Variants in WDR31 observed in about 807,000 individuals in gnomAD.
WDR31 encodes the protein WD repeat domain 31, also known as WD repeat-containing protein 31.
Under a neutral mutation model 47.3 loss-of-function variants are expected in WDR31, and 30 were observed. The ratio of observed to expected loss-of-function variants is 0.63; its 90% CI spans 0.47 to 0.86. WDR31 has a LOEUF of 0.86. Ranked by LOEUF, WDR31 falls within the 40% of genes least tolerant of loss-of-function variation. The probability of loss-of-function intolerance (pLI) is 0.00; values close to 1 mark genes in which losing one functional copy is unlikely to be tolerated. For missense variants in WDR31, 406 were observed against 442.9 expected, an observed-to-expected ratio of 0.92 and a Z score of 0.75; for synonymous variants, 137 against 159.4, an observed-to-expected ratio of 0.86 and a Z score of 1.06.
Position 113,338,546 on chromosome 9 carries a change from G to A in WDR31, c.-182+1671C>T, listed in dbSNP as rs555687761. ...TTGACCTTAGCCTAGGAGAATGAAC[G>A]CAAGGCAAATAAATACCTGTTGAAT... On this transcript the variant is annotated intron_variant, in intron 1 of 10. Coordinates refer to ENST00000374193, the MANE Select transcript of WDR31 (RefSeq NM_001012361.4). Among the ~76,000 whole-genome samples, 8 of 152,030 alleles carry A rather than the reference G, an allele frequency of 5.3e-5. No individual in the cohort carries two copies. The East Asian group carries it at 1.5e-3, about 29-fold the overall frequency.
chr9:113,331,156 G>C, intron 3 of WDR31, 40 bp from the exon 4 acceptor site: 1 of 674,174 alleles, frequency 1.5e-6, no homozygotes, highest in Non-Finnish European at 2.2e-6. Context: ...AATGGCATGG[G>C]AGTGGATGGG....
At chr9:113,338,290 C>CA (rs1251320464) in intron 1 of WDR31, among the ~76,000 whole-genome samples, 3 of 152,124 alleles carry the variant, frequency 2.0e-5, no homozygotes, top group Non-Finnish European at 4.4e-5. Flanking sequence ...GGCCTCTGAT[C>CA]AGAGTGATTG....
chr9:113,339,032 C>T (rs180670878), intron 1 of WDR31, among the ~76,000 whole-genome samples: 172 of 152,310 alleles, frequency 1.1e-3, no homozygotes, highest in African/African-American at 3.9e-3. Flanking sequence ...CCCAGAAAGG[C>T]TGGAGAGGAC....
chr9:113,327,879 G>A (rs549820490), intron 5 of WDR31, among the ~76,000 whole-genome samples: 16 of 152,284 alleles, frequency 1.1e-4, no homozygotes, highest in East Asian at 3.9e-4. Flanking sequence ...TTGAACCTGC[G>A]AGATGGAGGT....
chr9:113,327,101 G>C (rs2118819651), intron 5 of WDR31, among the ~76,000 whole-genome samples: 1 of 152,276 alleles, frequency 6.6e-6, no homozygotes, highest in South Asian at 2.1e-4. Flanking sequence ...TTGCCAAAGT[G>C]CCAGCATTAC....
chr9:113,314,106 G>A lies in WDR31; in HGVS notation c.*2643C>T, dbSNP rs1377768757. ...ACCCGGGAGGCGGAGCTTGCAGCGA[G>A]CCGAGATTGCACCACTGCACTCCAG... On this transcript the variant is annotated 3_prime_UTR_variant, in exon 11 of 11. Coordinates refer to ENST00000374193, the MANE Select transcript of WDR31 (RefSeq NM_001012361.4). 7.8e-6 allele frequency: 1 copy of A among 128,916 alleles called. No homozygotes were observed. Among genetic ancestry groups the A allele is most frequent in the African/African-American group, 2.9e-5 (1 of 34,076 alleles). 8.0% of individuals were successfully genotyped at this position (128,916 alleles called of 1,614,324 possible). A position where few individuals can be genotyped will look rare whatever the true frequency, so the allele number is the denominator to read the frequency against.
Position 113,323,120 on chromosome 9 carries a change from A to T in WDR31, c.360T>A (p.Ser120Arg), listed in dbSNP as rs753625226. 1 of 1,614,128 alleles carries T rather than the reference A, an allele frequency of 6.2e-7. No individual in the cohort carries two copies. Among genetic ancestry groups the T allele is most frequent in the Non-Finnish European group, 8.5e-7 (1 of 1,180,024 alleles). Residue 120 changes from serine (S) to arginine (R), a missense_variant, in exon 6 of 11, where the codon AGT becomes AGA. Physicochemically the swap from Ser to Arg is moderately radical, Grantham distance 110. Transcript: ENST00000374193. ...ACIPKSSQFF[S>R]ASRDRMVMMW... The stretch of plus-strand genomic sequence containing the variant: ...TCATGACCATCCTGTCACGAGAGGC[A>T]CTGAAGAACTGGCTGGATTTGGGAA...
chr9:113,331,938 T>G lies in WDR31; in HGVS notation c.85A>C (p.Ser29Arg), dbSNP rs375646704. Residue 29 changes from serine to arginine, a missense_variant, in exon 3 of 11, where the codon AGC becomes CGC. Coordinates refer to ENST00000374193, the MANE Select transcript of WDR31 (RefSeq NM_001012361.4). ...RFCVVMGKQQ[S>R]KLKHSTYKYG... is the part of the protein sequence containing the mutation. ...TTATAAGTGCTGTGTTTGAGTTTGC[T>G]TTGCTGTTTCCCCATCACGACACAA... 2.9e-5 allele frequency: 47 copies of G among 1,613,822 alleles called. No homozygotes were observed. Among genetic ancestry groups the G allele is most frequent in the Non-Finnish European group, 4.0e-5 (47 of 1,179,854 alleles).
Position 113,322,882 on chromosome 9 carries a change from C to A in WDR31, c.499G>T (p.Asp167Tyr). Residue 167 changes from aspartate to tyrosine, a missense_variant, in exon 7 of 11, where the codon GAC (aspartate) becomes TAC (tyrosine). Physicochemically the swap from Asp to Tyr is radical, Grantham distance 160. Coordinates refer to ENST00000374193, the MANE Select transcript of WDR31 (RefSeq NM_001012361.4). ...DSSQLCTGSRDNTLLLWDVVT... is the reference protein window; with the variant it reads ...DSSQLCTGSRYNTLLLWDVVT... Reference sequence around the variant, plus strand: ...ACATCCCACAGAAGCAGGGTGTTGTCCCGAGAGCCAGTGCACAGCTGTGAT... The same window carrying A: ...ACATCCCACAGAAGCAGGGTGTTGTACCGAGAGCCAGTGCACAGCTGTGAT... The A allele has an allele frequency of 6.2e-7, 1 of 1,614,156 alleles. No homozygotes were observed. Among genetic ancestry groups the A allele is most frequent in the Non-Finnish European group, 8.5e-7 (1 of 1,180,026 alleles).
chr9:113,338,152 C>T (rs548050591), intron 1 of WDR31, among the ~76,000 whole-genome samples: 5 of 151,174 alleles, frequency 3.3e-5, no homozygotes, highest in Non-Finnish European at 7.4e-5. Flanking sequence ...AGTGATCATA[C>T]TGGAAGCAGC....
intron 1 of WDR31, among the ~76,000 whole-genome samples, chr9:113,339,701 G>GC (rs552162776): frequency 8.4e-4 from 128 of 152,242 alleles, no homozygotes; most frequent in African/African-American, 2.5e-3. Context: ...TCCTCTCCCT[G>GC]CCCATTATAT....
chr9:113,320,301 G>C, intron 9 of WDR31, 56 bp downstream of exon 9: 1 of 1,598,054 alleles, frequency 6.3e-7, no homozygotes, highest in Non-Finnish European at 8.5e-7. Context: ...CATGAGGCCA[G>C]AGTAAGTGAT....
chr9:113,339,602 G>A (rs1254536158), intron 1 of WDR31, among the ~76,000 whole-genome samples: 1 of 152,238 alleles, frequency 6.6e-6, no homozygotes, highest in Non-Finnish European at 1.5e-5. Context: ...CAGGGAGCCA[G>A]TTCTAGGCCA....
chr9:113,333,617 A>G (rs1310500329), intron 2 of WDR31, among the ~76,000 whole-genome samples: 3 of 149,410 alleles, frequency 2.0e-5, no homozygotes, highest in Non-Finnish European at 3.0e-5. Flanking sequence ...TCCTGACCTC[A>G]TGATCCACCC....
intron 5 of WDR31, 123 bp from the exon 6 acceptor site, chr9:113,323,278 T>C (rs1833374319): frequency 1.6e-6 from 2 of 1,281,848 alleles, no homozygotes; most frequent in Admixed American, 2.7e-5. Flanking sequence ...TTCTTTTTTT[T>C]TGAGACGGAG....
At chr9:113,322,432 C>T (rs1386143606) in intron 7 of WDR31, among the ~76,000 whole-genome samples, 1 of 152,108 alleles carries the variant, frequency 6.6e-6, no homozygotes, top group Admixed American at 6.6e-5. Flanking sequence ...CTTATTTCTC[C>T]ACATGATGTT....
chr9:113,324,556 AT>A (rs1252878191), intron 5 of WDR31, among the ~76,000 whole-genome samples: 1 of 151,380 alleles, frequency 6.6e-6, no homozygotes, highest in Non-Finnish European at 1.5e-5. Flanking sequence ...TACCTGACTA[AT>A]TTTTGTATTT....
chr9:113,318,726 A>G, intron 9 of WDR31, 89 bp from the exon 10 acceptor site: 2 of 1,416,680 alleles, frequency 1.4e-6, no homozygotes, highest in South Asian at 1.2e-5. Flanking sequence ...TGATGCACCT[A>G]TTCCCTCCAC....
chr9:113,334,061 T>G (rs1833663116), intron 2 of WDR31, among the ~76,000 whole-genome samples: 1 of 151,922 alleles, frequency 6.6e-6, no homozygotes. Flanking sequence ...CAGGCTGGAG[T>G]GCAGTGGTGT....
Sources: gnomAD v4.1 joint callset for allele counts (sites outside exome capture counted in the v4.1 genomes callset) on GRCh38, gnomAD v4.1.1 for gene constraint, MANE v1.5 for transcripts, NCBI Gene and HGNC (gene_info 2026-07-23, HGNC 2026-07-21) for gene names.